Variants in UGGT1 observed in about 807,000 individuals in gnomAD.
The protein encoded by UGGT1 is UDP-glucose glycoprotein glucosyltransferase 1.
Under a neutral mutation model 203.9 loss-of-function variants are expected in UGGT1, and 107 were observed. The ratio of observed to expected loss-of-function variants is 0.52; its 90% CI spans 0.45 to 0.62. The LOEUF is 0.62. Ranked by LOEUF, UGGT1 falls within the 20% of genes least tolerant of loss-of-function variation. UGGT1 has a pLI of 0.00. For missense variants in UGGT1, 1,673 were observed against 1,867.2 expected, an observed-to-expected ratio of 0.90 and a Z score of 1.92; for synonymous variants, 628 against 653.5, an observed-to-expected ratio of 0.96 and a Z score of 0.59.
chr2:128,097,328 TTGCACCAC>T, intron 1 of UGGT1, 93 bp from the exon 2 acceptor site: 3 of 1,375,300 alleles, frequency 2.2e-6, no homozygotes, highest in South Asian at 2.8e-5. Flanking sequence ...TGAGCCGAGA[TTGCACCAC>T]TGCACTCCAG....
At chr2:128,117,069 ATT>A (rs1573519540) in intron 8 of UGGT1, among the ~76,000 whole-genome samples, 1 of 152,226 alleles carries the variant, frequency 6.6e-6, no homozygotes, top group Non-Finnish European at 1.5e-5. Flanking sequence ...TGGGAAAAAC[ATT>A]TTATTATTAT....
rs1361224442 is a variant in UGGT1, at chr2:128,182,194, C to T, written c.4148C>T (p.Thr1383Ile). ...TTGGATGGTGCTCCTTATGGTTACA[C>T]TCCTTTCTGTGACAGCCGAAGAGAA... ...FNLDGAPYGY[T>I]PFCDSRREMD... The change falls in exon 37 of 41, where the codon ACT (threonine) becomes ATT (isoleucine). Residue 1383 changes from threonine to isoleucine, a missense_variant. Thr to Ile is a moderately conservative substitution (Grantham distance 89). Transcript: ENST00000259253. The T allele has an allele frequency of 1.2e-6, 2 of 1,614,080 alleles. No homozygotes were observed. The highest frequency in any genetic ancestry group is 1.3e-5 in the African/African-American group (1 of 74,936).
At chr2:128,175,892 C>T (rs961610740) in intron 31 of UGGT1, among the ~76,000 whole-genome samples, 1 of 152,202 alleles carries the variant, frequency 6.6e-6, no homozygotes, top group Non-Finnish European at 1.5e-5. Flanking sequence ...TGACTTTCTG[C>T]ACCTTGAAAT....
chr2:128,129,917 TGCCTGCC>T (rs1347838198), intron 13 of UGGT1, among the ~76,000 whole-genome samples: 2 of 152,194 alleles, frequency 1.3e-5, no homozygotes, highest in Non-Finnish European at 2.9e-5. Flanking sequence ...TATAGACTTT[TGCCTGCC>T]ATATGATCTT....
chr2:128,100,580 A>ATTTTTTT (rs1264351444), intron 2 of UGGT1, among the ~76,000 whole-genome samples: 11 of 88,330 alleles, frequency 1.2e-4, no homozygotes, highest in Non-Finnish European at 1.2e-4. Context: ...CTAATTTTGT[A>ATTTTTTT]TTTTTTTTTT....
Position 128,100,027 on chromosome 2 carries a change from C to CG in UGGT1, c.194+2463_194+2464insG, listed in dbSNP as rs1437849739. ...GTCATTGAGATTTACAACCCCCCCC[C>CG]CCACCCTACTTATTTTTTTTGAGAC... On this transcript the variant is annotated intron_variant, in intron 2 of 40. Transcript: ENST00000259253. Among the ~76,000 whole-genome samples, 111 of 53,080 alleles carry CG rather than the reference C, an allele frequency of 2.1e-3. 6 individuals are homozygous for CG. Among genetic ancestry groups the CG allele is most frequent in the Middle Eastern group, 0.01 (1 of 96 alleles). The allele number at this position is 53,080 out of a possible 152,430, so 34.8% of individuals were successfully genotyped here.
At chr2:128,138,033 C>T (rs1273834001) in intron 15 of UGGT1, among the ~76,000 whole-genome samples, 4 of 151,914 alleles carry the variant, frequency 2.6e-5, no homozygotes, top group Non-Finnish European at 1.5e-5. Flanking sequence ...ATGTCACAAT[C>T]CCCCCCTTTC....
At chr2:128,168,519 G>GT (rs1158516775) in intron 26 of UGGT1, among the ~76,000 whole-genome samples, 10 of 151,720 alleles carry the variant, frequency 6.6e-5, no homozygotes, top group African/African-American at 2.4e-4. Flanking sequence ...ATGTTGTTTG[G>GT]TAAAAAAAAA....
chr2:128,110,221 TG>T (rs1468239289), intron 5 of UGGT1, among the ~76,000 whole-genome samples: 1 of 152,196 alleles, frequency 6.6e-6, no homozygotes, highest in Non-Finnish European at 1.5e-5. Context: ...TGCCCAAAGG[TG>T]GGTTTCCTGT....
intron 1 of UGGT1, 159 bp downstream of exon 1, chr2:128,091,574 C>T: frequency 1.4e-6 from 2 of 1,441,968 alleles, no homozygotes; most frequent in South Asian, 1.5e-5. Flanking sequence ...CCCCGAGTTG[C>T]CCTCAGTGGT....
At position 128,109,641 on chromosome 2, in the gene UGGT1, C is replaced by G; in HGVS notation, c.416C>G (p.Ala139Gly). 3 of 1,613,792 alleles carry G rather than the reference C, an allele frequency of 1.9e-6. No homozygotes were observed. Among genetic ancestry groups the G allele is most frequent in the Non-Finnish European group, 2.5e-6 (3 of 1,179,702 alleles). ...ATIQAFQQIA[A>G]DEPPPEGCNS... ...TTGTGTCTTATGTGACAGATAGCAG[C>G]TGATGAACCTCCACCAGAAGGATGT... Residue 139 changes from alanine (A) to glycine (G), a missense_variant, in exon 5 of 41, where the codon GCT becomes GGT. Physicochemically the swap from Ala to Gly is moderately conservative, Grantham distance 60. This residue lies in a region of UGGT1 where 1,073 missense variants were observed against 1,078.7 expected (regional missense o/e 0.99). Coordinates refer to ENST00000259253, the MANE Select transcript of UGGT1 (RefSeq NM_020120.4).
At chr2:128,179,473 C>T (rs943610061) in intron 34 of UGGT1, among the ~76,000 whole-genome samples, 3 of 152,168 alleles carry the variant, frequency 2.0e-5, no homozygotes, top group Non-Finnish European at 4.4e-5. Flanking sequence ...TTCCAGGGTT[C>T]ATCTGGACCA....
intron 2 of UGGT1, among the ~76,000 whole-genome samples, chr2:128,102,120 A>G (rs576508605): frequency 3.1e-4 from 47 of 152,050 alleles, no homozygotes; most frequent in Non-Finnish European, 5.1e-4. Context: ...CAAATCCCAG[A>G]CATCATATAG....
intron 6 of UGGT1, among the ~76,000 whole-genome samples, chr2:128,114,846 A>G (rs1688026947): frequency 6.6e-6 from 1 of 152,230 alleles, no homozygotes; most frequent in Admixed American, 6.5e-5. Flanking sequence ...GAGAGAATAT[A>G]GACTCTGGAT....
chr2:128,106,276 CTT>C lies in UGGT1; in HGVS notation c.278-1660_278-1659del, dbSNP rs550382959. 2.5e-3 allele frequency among the ~76,000 whole-genome samples: 375 copies of C among 152,078 alleles called. 2 individuals are homozygous for C. The highest frequency in any genetic ancestry group is 8.7e-3 in the African/African-American group (360 of 41,486). Reference sequence around the variant, plus strand: ...AAGTGGGTTTATAATCAAATTTGAACTTTGACATTTAAAATAACATTTTTTCA... The same window carrying C: ...AAGTGGGTTTATAATCAAATTTGAACTGACATTTAAAATAACATTTTTTCA... On this transcript the variant is annotated intron_variant, in intron 3 of 40. Coordinates refer to ENST00000259253, the MANE Select transcript of UGGT1 (RefSeq NM_020120.4).
chr2:128,113,540 C>T (rs1051891042), intron 6 of UGGT1, among the ~76,000 whole-genome samples: 3 of 152,180 alleles, frequency 2.0e-5, no homozygotes, highest in African/African-American at 7.2e-5. Flanking sequence ...ATATGGTCAT[C>T]ATACTATGGA....
At chr2:128,163,489 G>A (rs1044861429) in intron 25 of UGGT1, among the ~76,000 whole-genome samples, 1 of 151,712 alleles carries the variant, frequency 6.6e-6, no homozygotes, top group Non-Finnish European at 1.5e-5. Context: ...GCCGAGGCGG[G>A]CGGATCATGA....
rs746672846 is a variant in UGGT1 at position 128,133,158 on chromosome 2, G to A, written c.1395G>A (p.Glu465=). 1 of 1,614,036 alleles carries A rather than the reference G, an allele frequency of 6.2e-7. No individual in the cohort carries two copies. Among genetic ancestry groups the A allele is most frequent in the Non-Finnish European group, 8.5e-7 (1 of 1,179,934 alleles). Residue 465 remains glutamate, a synonymous_variant, in exon 14 of 41, where the codon GAG becomes GAA. Transcript: ENST00000259253. ...TTTTGTAGTGGGTCAACAACCTGGA[G>A]GTTGATAGCAGATATAATTCGTGGC... is the stretch of plus-strand genomic sequence containing the variant. ...SPAISWVNNL[E]VDSRYNSWPS...
intron 9 of UGGT1, 128 bp from the exon 10 acceptor site, chr2:128,121,071 C>G: frequency 5.9e-6 from 5 of 850,708 alleles, no homozygotes; most frequent in Non-Finnish European, 9.4e-6. Context: ...TGGGCACTCT[C>G]TGGAATGGTT....
Sources: allele counts gnomAD v4.1 joint callset (sites outside exome capture counted in the v4.1 genomes callset), GRCh38; gene constraint gnomAD v4.1.1; regional missense constraint gnomAD v4.1.1; transcripts MANE v1.5; gene names NCBI Gene and HGNC (gene_info 2026-07-23, HGNC 2026-07-21).